The following TMEM132D variants were observed in gnomAD, a reference collection of about 807,000 sequenced individuals.
TMEM132D encodes mature OL transmembrane protein.
TMEM132D carries 21 observed loss-of-function variants against 62.3 expected under a neutral mutation model. The ratio of observed to expected loss-of-function variants is 0.34; its 90% CI spans 0.24 to 0.49. The LOEUF (loss-of-function observed/expected upper bound fraction) is 0.49. Ranked by LOEUF, TMEM132D falls within the 20% of genes least tolerant of loss-of-function variation. TMEM132D has a pLI of 0.99. For synonymous variants in TMEM132D, 621 were observed against 575.6 expected, an observed-to-expected ratio of 1.08 and a Z score of -1.13; for missense variants, 1,346 against 1,402.8, an observed-to-expected ratio of 0.96 and a Z score of 0.65.
At chr12:129,606,441 A>G (rs1878627043) in intron 2 of TMEM132D, among the ~76,000 whole-genome samples, 1 of 152,166 alleles carries the variant, frequency 6.6e-6, no homozygotes, top group South Asian at 2.1e-4. Flanking sequence ...AGAAGCAGCT[A>G]AGATCTCTTG....
chr12:129,509,018 G>T (rs953700593), intron 3 of TMEM132D, among the ~76,000 whole-genome samples: 1 of 152,144 alleles, frequency 6.6e-6, no homozygotes, highest in Non-Finnish European at 1.5e-5. Flanking sequence ...GATCTGGCCT[G>T]CAGTTCACCA....
intron 2 of TMEM132D, among the ~76,000 whole-genome samples, chr12:129,674,524 CAT>C (rs1266115020): frequency 1.3e-5 from 2 of 152,064 alleles, no homozygotes; most frequent in Non-Finnish European, 2.9e-5. Context: ...CTGAACTCTA[CAT>C]ATGTTTTATG....
chr12:129,676,951 A>G (rs1020184155), intron 2 of TMEM132D, among the ~76,000 whole-genome samples: 17 of 152,038 alleles, frequency 1.1e-4, no homozygotes, highest in Non-Finnish European at 4.4e-5. Flanking sequence ...TTTGCACTTC[A>G]CTTTTTTCCA....
intron 1 of TMEM132D, among the ~76,000 whole-genome samples, chr12:129,789,478 A>G (rs1480225046): frequency 6.6e-6 from 1 of 152,262 alleles, no homozygotes; most frequent in Non-Finnish European, 1.5e-5. Flanking sequence ...ACCAACCCAA[A>G]TGACCATCAA....
chr12:129,727,127 G>T (rs543311136), intron 1 of TMEM132D, among the ~76,000 whole-genome samples: 3 of 152,330 alleles, frequency 2.0e-5, no homozygotes, highest in African/African-American at 7.2e-5. Context: ...TTATTTTGAT[G>T]TATGATTGTC....
intron 4 of TMEM132D, among the ~76,000 whole-genome samples, chr12:129,252,679 T>A (rs1880299755): frequency 6.6e-6 from 1 of 152,142 alleles, no homozygotes; most frequent in Non-Finnish European, 1.5e-5. Context: ...GACCCAGCCA[T>A]CCCATTACTG....
chr12:129,151,694 C>A (rs897971527), intron 5 of TMEM132D, among the ~76,000 whole-genome samples: 15 of 152,192 alleles, frequency 9.9e-5, no homozygotes, highest in Admixed American at 3.3e-4. Context: ...ATTCGCTAGA[C>A]CTTCTCATTA....
At chr12:129,558,610 C>T (rs1007186990) in intron 2 of TMEM132D, among the ~76,000 whole-genome samples, 3 of 152,186 alleles carry the variant, frequency 2.0e-5, no homozygotes, top group Non-Finnish European at 2.9e-5. Flanking sequence ...ATTGGCAGAC[C>T]GTAACCCAGG....
rs1881026710 is a variant in TMEM132D, at chr12:129,277,181, A to C, written c.1299+60453T>G. 1.3e-5 allele frequency among the ~76,000 whole-genome samples: 2 copies of C among 152,218 alleles called. No individual in the cohort carries two copies. The highest frequency in any genetic ancestry group is 2.9e-5 in the Non-Finnish European group (2 of 68,036). On this transcript the variant is annotated intron_variant, in intron 4 of 8. Coordinates refer to ENST00000422113, the MANE Select transcript of TMEM132D (RefSeq NM_133448.3). This position sits in a 1 kb window ranked among gnomAD's most constrained non-coding sequence, Gnocchi z 4.2. ...GGTGTGTGGAGAACAAAAACTATGG[A>C]AACAAGCCTGGCTTTTTCCTTTTCT...
chr12:129,735,022 A>G (rs978677285), intron 1 of TMEM132D, among the ~76,000 whole-genome samples: 1 of 152,194 alleles, frequency 6.6e-6, no homozygotes, highest in African/African-American at 2.4e-5. Context: ...TGCCCATTTT[A>G]CAGTACGACG....
chr12:129,257,204 CTTTTTT>C (rs10609616), intron 4 of TMEM132D, among the ~76,000 whole-genome samples: 10 of 122,624 alleles, frequency 8.2e-5, no homozygotes, highest in East Asian at 2.3e-4. Flanking sequence ...CTGTTTCTTT[CTTTTTT>C]TTTTTTTTTT....
chr12:129,117,379 G>T (rs950719909), intron 5 of TMEM132D, among the ~76,000 whole-genome samples: 1 of 152,054 alleles, frequency 6.6e-6, no homozygotes, highest in Non-Finnish European at 1.5e-5. Context: ...TATCAATCAA[G>T]ACCCTAGACT....
chr12:129,554,442 G>A (rs1876995537), intron 2 of TMEM132D, among the ~76,000 whole-genome samples: 1 of 152,168 alleles, frequency 6.6e-6, no homozygotes, highest in Non-Finnish European at 1.5e-5. Flanking sequence ...GCGTGCAGCA[G>A]AGACACTGAG....
At chr12:129,168,529 C>T (rs1174725565) in intron 5 of TMEM132D, among the ~76,000 whole-genome samples, 2 of 152,108 alleles carry the variant, frequency 1.3e-5, no homozygotes, top group Admixed American at 6.6e-5. Flanking sequence ...ATAAGACATG[C>T]CTTTCACGTC....
chr12:129,153,466 G>A (rs1476037800), intron 5 of TMEM132D, among the ~76,000 whole-genome samples: 1 of 152,012 alleles, frequency 6.6e-6, no homozygotes, highest in African/African-American at 2.4e-5. Flanking sequence ...TTGGGTCATC[G>A]TGAAATGTCA....
chr12:129,133,748 C>G (rs1876449698), intron 5 of TMEM132D, among the ~76,000 whole-genome samples: 1 of 152,270 alleles, frequency 6.6e-6, no homozygotes, highest in African/African-American at 2.4e-5. Flanking sequence ...CCTGCATAGG[C>G]ACTTGGCTCA....
At chr12:129,411,035 T>C (rs191067768) in intron 3 of TMEM132D, among the ~76,000 whole-genome samples, 43 of 152,290 alleles carry the variant, frequency 2.8e-4, no homozygotes, top group African/African-American at 9.4e-4. Context: ...GTTAACTGTT[T>C]TGTTGTTGTT....
Position 129,699,890 on chromosome 12 carries a change from T to C in TMEM132D, c.888A>G (p.Pro296=). 1 of 1,614,120 alleles carries C rather than the reference T, an allele frequency of 6.2e-7. No homozygotes were observed. Among genetic ancestry groups the C allele is most frequent in the East Asian group, 2.2e-5 (1 of 44,880 alleles). ...LDNSVAIHYI[P]KTVRKGDVLT... is the part of the protein sequence containing the mutation. ...GCACGTCTCCTTTCCTCACGGTCTT[T>C]GGTATATAGTGGATGGCCACGCTGT... The change falls in exon 2 of 9, where the codon CCA becomes CCG. Residue 296 remains proline (P), a synonymous_variant. Transcript: ENST00000422113.
chr12:129,845,464 G>A (rs1873332507), intron 1 of TMEM132D, among the ~76,000 whole-genome samples: 2 of 152,256 alleles, frequency 1.3e-5, no homozygotes, highest in Middle Eastern at 6.8e-3. Flanking sequence ...CGTCTGAGAC[G>A]GAAAGGGCCA....
Sources: allele counts gnomAD v4.1 joint callset (sites outside exome capture counted in the v4.1 genomes callset), GRCh38; gene constraint gnomAD v4.1.1; non-coding constraint Gnocchi (gnomAD v3.1); transcripts MANE v1.5; gene names NCBI Gene and HGNC (gene_info 2026-07-23, HGNC 2026-07-21).